UBR4: variants seen among roughly 807,000 people sequenced by gnomAD.
UBR4 encodes the protein ubiquitin protein ligase E3 component n-recognin 4, also known as E3 ubiquitin-protein ligase UBR4.
A neutral mutation model predicts 575.6 loss-of-function variants in UBR4; 124 were observed. That is an observed-to-expected ratio of 0.22 (90% CI 0.19 to 0.25). UBR4 has a LOEUF of 0.25. UBR4 is among the 10% of genes least tolerant of loss of function. The pLI, the probability that UBR4 is intolerant of heterozygous loss-of-function variation, is 1.00. For synonymous variants in UBR4, 2,455 were observed against 2,473.7 expected (o/e 0.99, Z 0.22); for missense variants, 4,818 against 6,478.8 (o/e 0.74, Z 8.80).
Position 19,168,111 on chromosome 1 carries a change from G to A in UBR4, c.3815C>T (p.Thr1272Ile), listed in dbSNP as rs140190640. 4.7e-4 allele frequency: 764 copies of A among 1,613,706 alleles called. 4 individuals are homozygous for A. The African/African-American group carries it at 8.0e-3, about 17-fold the overall frequency. The change falls in exon 28 of 106, where the codon ACT becomes ATT. Residue 1272 changes from threonine (T) to isoleucine (I), a missense_variant. Thr to Ile is a moderately conservative substitution (Grantham distance 89, BLOSUM62 -1). Around this residue, in one of 29 missense-constraint regions of UBR4, gnomAD observed 1,172 missense variants for 1,259.7 expected, o/e 0.93. Coordinates refer to ENST00000375254, the MANE Select transcript of UBR4 (RefSeq NM_020765.3). ...ISAVQAAHLG[T>I]LCSQSLPLAA... Reference sequence around the variant, plus strand: ...CAGGGGCAGACTTTGGCTACAGAGAGTCCCCAGGTGTGCAGCCTGCACTGC... The same window carrying A: ...CAGGGGCAGACTTTGGCTACAGAGAATCCCCAGGTGTGCAGCCTGCACTGC...
Position 19,193,509 on chromosome 1 carries a change from T to G in UBR4, c.1067A>C (p.Gln356Pro). 6.2e-7 allele frequency: 1 copy of G among 1,614,172 alleles called. No individual in the cohort carries two copies. The highest frequency in any genetic ancestry group is 8.5e-7 in the Non-Finnish European group (1 of 1,180,016). ...CMAILHVGSA[Q>P]QVRTGSTSSK... Reference sequence around the variant, plus strand: ...GCTCGTGGACCCTGTCCGCACTTGCTGGGCACTACCCACATGGAGGATGGC... The same window carrying G: ...GCTCGTGGACCCTGTCCGCACTTGCGGGGCACTACCCACATGGAGGATGGC... The change falls in exon 9 of 106, where the codon CAG becomes CCG. Residue 356 changes from glutamine (Q) to proline (P), a missense_variant. This residue lies in a region of UBR4 where 131 missense variants were observed against 214.5 expected (regional missense o/e 0.61). Transcript: ENST00000375254.
At chr1:19,155,292 A>C in intron 43 of UBR4, 149 bp downstream of exon 43, 2 of 1,037,622 alleles carry the variant, frequency 1.9e-6, no homozygotes, top group Non-Finnish European at 2.8e-6. Context: ...TTAGGTAGAA[A>C]GTTAGATGGA....
chr1:19,117,983 G>C lies in UBR4; in HGVS notation c.10542-73C>G, dbSNP rs757273742. On this transcript the variant is annotated intron_variant, in intron 71 of 105. Transcript: ENST00000375254. This position sits in a 1 kb window ranked among gnomAD's most constrained non-coding sequence, Gnocchi z 4.0. ...GCACTGAGTTTCACAAAAAAATCAT[G>C]ACAAAGCCATGGCTCAATGTGAGCC... 7.5e-6 allele frequency: 11 copies of C among 1,470,762 alleles called. No homozygotes were observed. The highest frequency in any genetic ancestry group is 1.0e-5 in the Non-Finnish European group (11 of 1,053,546). 91.1% of individuals were successfully genotyped at this position (1,470,762 alleles called of 1,614,324 possible).
At position 19,093,063 on chromosome 1, in the gene UBR4, C is replaced by G. The variant is rs914048445; in HGVS notation, c.14112-145G>C. On this transcript the variant is annotated intron_variant, in intron 96 of 105. Transcript: ENST00000375254. The surrounding 1 kb of genome is among the most constrained non-coding windows in gnomAD (Gnocchi z 4.8). ...GTCATAAAGAATCACATAGAACCACCCAGCTCAGCTGAAAAGCCAGAAAGA... is the reference window on the plus strand; with the variant it reads ...GTCATAAAGAATCACATAGAACCACGCAGCTCAGCTGAAAAGCCAGAAAGA... 1.1e-6 allele frequency: 1 copy of G among 872,234 alleles called. No homozygotes were observed. Among genetic ancestry groups the G allele is most frequent in the Non-Finnish European group, 1.8e-6 (1 of 570,054 alleles). 54.0% of individuals were successfully genotyped at this position (872,234 alleles called of 1,614,324 possible). A position where few individuals can be genotyped will look rare whatever the true frequency, so the allele number is the denominator to read the frequency against.
intron 33 of UBR4, 119 bp downstream of exon 33, chr1:19,164,133 CA>C (rs2087883667): frequency 2.4e-6 from 3 of 1,249,262 alleles, no homozygotes; most frequent in Non-Finnish European, 3.3e-6. Context: ...ACCCAACTCC[CA>C]AACTCCAATG....
chr1:19,116,760 GA>G (rs967064137), intron 73 of UBR4, among the ~76,000 whole-genome samples: 1 of 152,228 alleles, frequency 6.6e-6, no homozygotes, highest in African/African-American at 2.4e-5. Context: ...CAGATACAGA[GA>G]AAAGGCACCA....
chr1:19,203,953 C>A (rs1314866953), intron 1 of UBR4, among the ~76,000 whole-genome samples: 1 of 152,094 alleles, frequency 6.6e-6, no homozygotes, highest in Non-Finnish European at 1.5e-5. Flanking sequence ...CCTACTAAAT[C>A]CCCCTGTTTC....
In UBR4 at chr1:19,115,601, C is replaced by T. The variant is rs2080423546; in HGVS notation, c.10860G>A (p.Leu3620=). 3 of 1,614,074 alleles carry T rather than the reference C, an allele frequency of 1.9e-6. No individual in the cohort carries two copies. Among genetic ancestry groups the T allele is most frequent in the Non-Finnish European group, 2.5e-6 (3 of 1,180,022 alleles). ...ARWHKAKKVQ[L]TPGQTEVKID... ...TCTTCACCTCTGTCTGTCCAGGGGT[C>T]AGCTGAACCTTCTTGGCTTTGTGCC... The change falls in exon 74 of 106, where the codon CTG becomes CTA. Residue 3620 remains leucine, a synonymous_variant. Transcript: ENST00000375254.
rs1267560657 is a variant in UBR4, at chr1:19,126,599, C to T, written c.9285G>A (p.Val3095=). 6.2e-7 allele frequency: 1 copy of T among 1,613,998 alleles called. No individual in the cohort carries two copies. Among genetic ancestry groups the T allele is most frequent in the Non-Finnish European group, 8.5e-7 (1 of 1,180,040 alleles). The change falls in exon 64 of 106, where the codon GTG becomes GTA. Residue 3095 remains valine, a synonymous_variant. Transcript: ENST00000375254. The stretch of plus-strand genomic sequence containing the variant: ...ATTTGAGCACGTGCAGGCAGTAGTC[C>T]ACAGCCCCAGAGCTCAGTAGAGCTG... ...TAAALLSSGA[V]DYCLHVLKSL... is the part of the protein sequence containing the mutation.
At chr1:19,137,298 G>C (rs1203665637) in intron 60 of UBR4, among the ~76,000 whole-genome samples, 1 of 123,498 alleles carries the variant, frequency 8.1e-6, no homozygotes, top group African/African-American at 3.0e-5. Flanking sequence ...AGACAGTCTC[G>C]AAAAAAAAAA....
intron 78 of UBR4, among the ~76,000 whole-genome samples, chr1:19,111,395 GTCT>G (rs1447916826): frequency 2.0e-5 from 3 of 152,188 alleles, no homozygotes; most frequent in African/African-American, 7.2e-5. Context: ...CTCCTCCCGA[GTCT>G]TCCCTACTGC....
chr1:19,124,841 C>G, intron 64 of UBR4, 151 bp from the exon 65 acceptor site: 1 of 1,050,854 alleles, frequency 9.5e-7, no homozygotes, highest in Non-Finnish European at 1.3e-6. Flanking sequence ...ACAGTTTATT[C>G]TATAAACCCA....
chr1:19,198,018 G>A lies in UBR4; in HGVS notation c.680C>T (p.Thr227Ile). ...VEGENDEQSS[T>I]DQASAIKTKN... ...GGTTTTGATAGCTGAGGCTTGATCTGTAGATGACTGCTCATCATTTTCTCC... is the reference window on the plus strand; with the variant it reads ...GGTTTTGATAGCTGAGGCTTGATCTATAGATGACTGCTCATCATTTTCTCC... The change falls in exon 6 of 106, where the codon ACA (threonine) becomes ATA (isoleucine). Residue 227 changes from threonine (T) to isoleucine (I), a missense_variant. By Grantham distance (89) the Thr-to-Ile change is moderately conservative. This residue lies in a region of UBR4 where 83 missense variants were observed against 77.3 expected (regional missense o/e 1.07). Coordinates refer to ENST00000375254, the MANE Select transcript of UBR4 (RefSeq NM_020765.3). The A allele has an allele frequency of 6.2e-7, 1 of 1,614,012 alleles. No individual in the cohort carries two copies. The highest frequency in any genetic ancestry group is 1.1e-5 in the South Asian group (1 of 91,074).
intron 103 of UBR4, chr1:19,080,734 C>A (rs144276034): frequency 8.5e-5 from 13 of 152,520 alleles, no homozygotes; most frequent in African/African-American, 3.1e-4. Context: ...TGGGGGTCCT[C>A]AAAGAGATGC....
At chr1:19,119,726 T>A (rs376199419) in intron 69 of UBR4, 25 bp from the exon 70 acceptor site, 1 of 1,588,972 alleles carries the variant, frequency 6.3e-7, no homozygotes, top group Non-Finnish European at 8.6e-7. Context: ...CAGCTCATGT[T>A]ACCAAGCAGC....
rs1007512963 is a variant in UBR4, at chr1:19,152,164, A to G, written c.6996+149T>C. On this transcript the variant is annotated intron_variant, in intron 47 of 105. Coordinates refer to ENST00000375254, the MANE Select transcript of UBR4 (RefSeq NM_020765.3). The surrounding 1 kb of genome is among the most constrained non-coding windows in gnomAD (Gnocchi z 4.4). ...CTTTGCCAAGTGAGTAAGAATATCC[A>G]TTTTTCTAAGGAACCATTTAACTAG... 8.0e-7 allele frequency: 1 copy of G among 1,246,054 alleles called. No homozygotes were observed. Among genetic ancestry groups the G allele is most frequent in the African/African-American group, 1.5e-5 (1 of 66,388 alleles). The allele number at this position is 1,246,054 out of a possible 1,614,324, so 77.2% of individuals were successfully genotyped here.
At chr1:19,104,865 T>A in intron 85 of UBR4, 183 bp downstream of exon 85, 2 of 1,149,782 alleles carry the variant, frequency 1.7e-6, no homozygotes, top group Non-Finnish European at 2.4e-6. Context: ...ACAGTCCAAA[T>A]GCTCCCAAGA....
chr1:19,158,543 G>A (rs1406501086), intron 39 of UBR4, among the ~76,000 whole-genome samples: 1 of 151,880 alleles, frequency 6.6e-6, no homozygotes, highest in Non-Finnish European at 1.5e-5. Context: ...CTACAGCCTC[G>A]AATTCCCCGG....
At chr1:19,086,598 C>A in intron 100 of UBR4, 81 bp downstream of exon 100, 2 of 1,564,672 alleles carry the variant, frequency 1.3e-6, no homozygotes, top group Non-Finnish European at 8.7e-7. Flanking sequence ...AGATTTAAAA[C>A]CACGAGGATG....
Sources: gnomAD v4.1 joint callset for allele counts (sites outside exome capture counted in the v4.1 genomes callset) on GRCh38, gnomAD v4.1.1 for gene constraint, gnomAD v4.1.1 regional missense constraint, Gnocchi (gnomAD v3.1) non-coding constraint, MANE v1.5 for transcripts, NCBI Gene and HGNC (gene_info 2026-07-23, HGNC 2026-07-21) for gene names.